ZNF804A: variants seen among roughly 807,000 people sequenced by gnomAD.
The protein encoded by ZNF804A is zinc finger protein 804A.
In ZNF804A, 2 loss-of-function variants were observed where a neutral mutation model predicts 16.5. That is an observed-to-expected ratio of 0.12 (90% confidence interval 0.05 to 0.38). The LOEUF (loss-of-function observed/expected upper bound fraction) is 0.38. Among genes scored for constraint, ZNF804A ranks in the 10% least tolerant of loss-of-function variants. The probability of loss-of-function intolerance (pLI) is 0.99; values close to 1 mark genes in which losing one functional copy is unlikely to be tolerated. For synonymous variants in ZNF804A, 534 were observed against 489.6 expected, an observed-to-expected ratio of 1.09 and a Z score of -1.20; for missense variants, 1,473 against 1,390.7, an observed-to-expected ratio of 1.06 and a Z score of -0.94.
intron 1 of ZNF804A, among the ~76,000 whole-genome samples, chr2:184,751,187 A>G (rs1407491023): frequency 6.6e-6 from 1 of 151,498 alleles, no homozygotes; most frequent in African/African-American, 2.4e-5. Context: ...TTTTGGATAT[A>G]TACAGAGAGG....
At chr2:184,736,014 A>G (rs1356387427) in intron 1 of ZNF804A, among the ~76,000 whole-genome samples, 1 of 152,224 alleles carries the variant, frequency 6.6e-6, no homozygotes, top group Non-Finnish European at 1.5e-5. Context: ...ATCCTGAAAG[A>G]TAGGAAATGT....
At chr2:184,855,434 A>T (rs1695670975) in intron 1 of ZNF804A, among the ~76,000 whole-genome samples, 1 of 151,750 alleles carries the variant, frequency 6.6e-6, no homozygotes, top group Non-Finnish European at 1.5e-5. Context: ...TTTCTTGAAA[A>T]TTTTTCTTCT....
chr2:184,766,258 A>G (rs1054715379), intron 1 of ZNF804A, among the ~76,000 whole-genome samples: 1 of 152,076 alleles, frequency 6.6e-6, no homozygotes, highest in Non-Finnish European at 1.5e-5. Flanking sequence ...TTGGTGATAA[A>G]ATGTCTATTC....
chr2:184,765,612 C>A (rs1048303240), intron 1 of ZNF804A, among the ~76,000 whole-genome samples: 9 of 146,856 alleles, frequency 6.1e-5, no homozygotes, highest in East Asian at 4.0e-4. Flanking sequence ...TGCACCCCCC[C>A]CCCTTAGAGT....
At chr2:184,871,849 T>C (rs776832815) in intron 2 of ZNF804A, among the ~76,000 whole-genome samples, 7 of 151,990 alleles carry the variant, frequency 4.6e-5, no homozygotes, top group Non-Finnish European at 8.8e-5. Context: ...AAGATCTTTA[T>C]CAAGAATTAC....
At chr2:184,697,877 C>A (rs1692857732) in intron 1 of ZNF804A, among the ~76,000 whole-genome samples, 2 of 152,008 alleles carry the variant, frequency 1.3e-5, no homozygotes, top group African/African-American at 4.8e-5. Flanking sequence ...AAATGTTTCA[C>A]TGGAGACATT....
intron 1 of ZNF804A, among the ~76,000 whole-genome samples, chr2:184,717,768 A>C (rs1310491612): frequency 6.6e-6 from 1 of 152,178 alleles, no homozygotes; most frequent in South Asian, 2.1e-4. Flanking sequence ...TGATCAAGTC[A>C]GGTTATTTAG....
chr2:184,688,790 G>C (rs540579295), intron 1 of ZNF804A, among the ~76,000 whole-genome samples: 1 of 152,174 alleles, frequency 6.6e-6, no homozygotes, highest in African/African-American at 2.4e-5. Flanking sequence ...TGCACTTAAT[G>C]ATACCCTAAA....
rs543351897 is a variant in ZNF804A, at chr2:184,828,891, C to T, written c.112-37478C>T. 1.6e-3 allele frequency among the ~76,000 whole-genome samples: 241 copies of T among 151,854 alleles called. 3 individuals carry two copies. Among genetic ancestry groups the T allele is most frequent in the East Asian group, 2.3e-3 (12 of 5,186 alleles). On this transcript the variant is annotated intron_variant, in intron 1 of 3. Coordinates refer to ENST00000302277, the MANE Select transcript of ZNF804A (RefSeq NM_194250.2). ...CTATTCTTCTTAAAGGAGAATCAAA[C>T]GAAAATGAGACTGAAATGAATTTGC...
At chr2:184,718,714 A>G (rs1693252519) in intron 1 of ZNF804A, among the ~76,000 whole-genome samples, 1 of 152,160 alleles carries the variant, frequency 6.6e-6, no homozygotes, top group Non-Finnish European at 1.5e-5. Flanking sequence ...CGCTGATACA[A>G]GAAGTGGGTT....
At chr2:184,791,113 A>AT (rs947058854) in intron 1 of ZNF804A, among the ~76,000 whole-genome samples, 12 of 151,792 alleles carry the variant, frequency 7.9e-5, no homozygotes, top group African/African-American at 2.2e-4. Flanking sequence ...GTTGTCTTTT[A>AT]TTTTTTTTAT....
chr2:184,679,329 C>A (rs1692495722), intron 1 of ZNF804A, among the ~76,000 whole-genome samples: 1 of 152,162 alleles, frequency 6.6e-6, no homozygotes, highest in African/African-American at 2.4e-5. Flanking sequence ...CAGCGGGGAC[C>A]CATTTGTAGC....
chr2:184,627,452 T>A (rs1390549057), intron 1 of ZNF804A, among the ~76,000 whole-genome samples: 1 of 152,190 alleles, frequency 6.6e-6, no homozygotes, highest in African/African-American at 2.4e-5. Context: ...TTGGCTTTTT[T>A]AACTGAAATC....
chr2:184,742,564 G>T (rs935085777), intron 1 of ZNF804A, among the ~76,000 whole-genome samples: 4 of 151,774 alleles, frequency 2.6e-5, no homozygotes, highest in African/African-American at 9.7e-5. Context: ...AAATAAACTT[G>T]CAGTAACTAC....
At chr2:184,706,627 T>C (rs1317367392) in intron 1 of ZNF804A, among the ~76,000 whole-genome samples, 13 of 152,104 alleles carry the variant, frequency 8.5e-5, no homozygotes, top group Non-Finnish European at 1.9e-4. Context: ...CAGTGAGAGA[T>C]ATGGAGTCTT....
At chr2:184,757,056 C>A (rs1040078559) in intron 1 of ZNF804A, among the ~76,000 whole-genome samples, 2 of 152,052 alleles carry the variant, frequency 1.3e-5, no homozygotes, top group African/African-American at 4.8e-5. Context: ...CCACTAAATT[C>A]TTGCTTTCTC....
chr2:184,864,203 AAGGGG>A (rs1695840885), intron 1 of ZNF804A, among the ~76,000 whole-genome samples: 1 of 152,110 alleles, frequency 6.6e-6, no homozygotes, highest in South Asian at 2.1e-4. Flanking sequence ...ATGGAAGGGG[AAGGGG>A]AGCTGGTGGG....
intron 1 of ZNF804A, among the ~76,000 whole-genome samples, chr2:184,604,508 C>T (rs1272305194): frequency 6.6e-6 from 1 of 152,034 alleles, no homozygotes; most frequent in Admixed American, 6.5e-5. Flanking sequence ...GCGAGAATTT[C>T]AGGGATGACC....
chr2:184,781,518 AT>A (rs946462406), intron 1 of ZNF804A, among the ~76,000 whole-genome samples: 2 of 151,816 alleles, frequency 1.3e-5, no homozygotes, highest in Non-Finnish European at 2.9e-5. Flanking sequence ...TTAAGTACTT[AT>A]TCTACTTTAT....
Sources: gnomAD v4.1 joint callset for allele counts (sites outside exome capture counted in the v4.1 genomes callset) on GRCh38, gnomAD v4.1.1 for gene constraint, MANE v1.5 for transcripts, NCBI Gene and HGNC (gene_info 2026-07-23, HGNC 2026-07-21) for gene names.